PELI2: variants seen among roughly 807,000 people sequenced by gnomAD.
The protein encoded by PELI2 is pellino E3 ubiquitin protein ligase family member 2, also known as E3 ubiquitin-protein ligase pellino homolog 2.
PELI2 carries 23 observed loss-of-function variants against 42.3 expected under a neutral mutation model. That is an observed-to-expected ratio of 0.54 (90% CI 0.39 to 0.77). The LOEUF (loss-of-function observed/expected upper bound fraction) is 0.77. PELI2 is among the 30% of genes least tolerant of loss of function. PELI2 has a pLI of 0.00. For synonymous variants in PELI2, 245 were observed against 212.2 expected (o/e 1.15, Z -1.34); for missense variants, 463 against 553.2 (o/e 0.84, Z 1.64).
intron 2 of PELI2, among the ~76,000 whole-genome samples, chr14:56,257,493 A>G (rs769723345): frequency 6.6e-6 from 1 of 152,168 alleles, no homozygotes; most frequent in African/African-American, 2.4e-5. Context: ...TCATCAATTC[A>G]GGTGTACTGG....
intron 1 of PELI2, among the ~76,000 whole-genome samples, chr14:56,152,015 G>T (rs1389469555): frequency 6.6e-6 from 1 of 152,148 alleles, no homozygotes; most frequent in Non-Finnish European, 1.5e-5. Context: ...CAGGTAGTTG[G>T]TCCCACTCAC....
At position 56,225,186 on chromosome 14, in the gene PELI2, G is replaced by A. The variant is rs564090129; in HGVS notation, c.207+46722G>A. On this transcript the variant is annotated intron_variant, in intron 2 of 5. Coordinates refer to ENST00000267460, the MANE Select transcript of PELI2 (RefSeq NM_021255.3). ...GGTAAACAGGGAAACGATGGGGCCC[G>A]TCCAGGAATTCCGAGCAGCAGCTGT... 6.8e-4 allele frequency among the ~76,000 whole-genome samples: 103 copies of A among 152,264 alleles called. 1 individual carries two copies. The highest frequency in any genetic ancestry group is 3.4e-3 in the Middle Eastern group (1 of 294).
At chr14:56,142,539 C>G (rs944391878) in intron 1 of PELI2, among the ~76,000 whole-genome samples, 1 of 152,218 alleles carries the variant, frequency 6.6e-6, no homozygotes, top group African/African-American at 2.4e-5. Context: ...ATGAATCAGT[C>G]TTCCACACCC....
chr14:56,153,386 A>G (rs1566608964), intron 1 of PELI2, among the ~76,000 whole-genome samples: 1 of 152,216 alleles, frequency 6.6e-6, no homozygotes, highest in Non-Finnish European at 1.5e-5. Flanking sequence ...GATAAAGCTT[A>G]CTACCCTGTT....
intron 2 of PELI2, among the ~76,000 whole-genome samples, chr14:56,195,999 C>G (rs1248828850): frequency 6.6e-6 from 1 of 152,078 alleles, no homozygotes; most frequent in Non-Finnish European, 1.5e-5. Flanking sequence ...CATTACTGGG[C>G]GTGGGTAGAG....
Position 56,211,043 on chromosome 14 carries a change from G to A in PELI2, c.207+32579G>A, listed in dbSNP as rs1001023038. Among the ~76,000 whole-genome samples, 5 of 152,196 alleles carry A rather than the reference G, an allele frequency of 3.3e-5. 1 individual carries two copies. Among genetic ancestry groups the A allele is most frequent in the African/African-American group, 1.2e-4 (5 of 41,444 alleles). On this transcript the variant is annotated intron_variant, in intron 2 of 5. Transcript: ENST00000267460. The stretch of plus-strand genomic sequence containing the variant: ...CACACATTCTGGGCATATTGTATAT[G>A]CAAGATTTCTAAGCCATCCCAAAGC...
intron 2 of PELI2, among the ~76,000 whole-genome samples, chr14:56,237,161 T>C (rs1218374201): frequency 6.6e-6 from 1 of 152,214 alleles, no homozygotes; most frequent in Non-Finnish European, 1.5e-5. Context: ...TCCTATTTAT[T>C]ATTGACCTGT....
Position 56,271,914 on chromosome 14 carries a change from C to T in PELI2, c.208-7762C>T, listed in dbSNP as rs545305108. Among the ~76,000 whole-genome samples the T allele has an allele frequency of 2.6e-5, 4 of 152,252 alleles. No homozygotes were observed. The South Asian group carries it at 8.3e-4, about 32-fold the overall frequency. ...GCCCCAGGGACTCTTTCTTCCCAGG[C>T]ATTTTGCGGGGACCTGAAAGGCAAG... On this transcript the variant is annotated intron_variant, in intron 2 of 5. Transcript: ENST00000267460.
At chr14:56,294,982 C>A (rs1035433475) in intron 5 of PELI2, among the ~76,000 whole-genome samples, 1 of 152,202 alleles carries the variant, frequency 6.6e-6, no homozygotes, top group African/African-American at 2.4e-5. Context: ...ACTCCCTCAT[C>A]TGCCATTTCT....
chr14:56,126,020 A>C (rs546526587), intron 1 of PELI2, among the ~76,000 whole-genome samples: 11 of 152,200 alleles, frequency 7.2e-5, no homozygotes, highest in Non-Finnish European at 1.2e-4. Flanking sequence ...ACCAACCTTT[A>C]GGGCCCAAGT....
chr14:56,250,860 C>T lies in PELI2; in HGVS notation c.208-28816C>T, dbSNP rs552134612. On this transcript the variant is annotated intron_variant, in intron 2 of 5. Transcript: ENST00000267460. ...AGTTCACACTCAGTATTAACCATCA[C>T]AGAAAGCCTGTGCAAGTGATTTACT... is the stretch of plus-strand genomic sequence containing the variant. Among the ~76,000 whole-genome samples, 4 of 152,304 alleles carry T rather than the reference C, an allele frequency of 2.6e-5. No individual in the cohort carries two copies. In the South Asian group the frequency reaches 8.3e-4, roughly 32 times the overall value.
intron 2 of PELI2, among the ~76,000 whole-genome samples, chr14:56,226,773 T>G (rs544537146): frequency 9.8e-5 from 15 of 152,340 alleles, no homozygotes; most frequent in Admixed American, 9.8e-4. Context: ...ATATTTTGTT[T>G]GTTCAGGCAT....
intron 2 of PELI2, among the ~76,000 whole-genome samples, chr14:56,250,354 T>C (rs1888302704): frequency 6.6e-6 from 1 of 152,144 alleles, no homozygotes; most frequent in Non-Finnish European, 1.5e-5. Flanking sequence ...GGGACAGAAC[T>C]AATAGGATAG....
chr14:56,252,988 A>G (rs550015646), intron 2 of PELI2, among the ~76,000 whole-genome samples: 14 of 152,314 alleles, frequency 9.2e-5, no homozygotes, highest in Non-Finnish European at 1.5e-5. Context: ...ATCCAGCAGC[A>G]CATCAAAATC....
chr14:56,188,509 T>C lies in PELI2; in HGVS notation c.207+10045T>C, dbSNP rs577017965. 2.6e-5 allele frequency among the ~76,000 whole-genome samples: 4 copies of C among 152,358 alleles called. No homozygotes were observed. In the South Asian group the frequency reaches 8.3e-4, roughly 32 times the overall value. On this transcript the variant is annotated intron_variant, in intron 2 of 5. Transcript: ENST00000267460. ...AAATGACCATTGAAAACTTGGTTTT[T>C]AGCCACTGCATAGTATTTCATTATG...
At chr14:56,233,554 G>A (rs543282496) in intron 2 of PELI2, among the ~76,000 whole-genome samples, 10 of 152,326 alleles carry the variant, frequency 6.6e-5, no homozygotes, top group African/African-American at 2.4e-4. Context: ...CTAGCCATAT[G>A]TAGAAAGCTG....
chr14:56,141,003 G>T (rs1883886959), intron 1 of PELI2, among the ~76,000 whole-genome samples: 1 of 152,150 alleles, frequency 6.6e-6, no homozygotes, highest in African/African-American at 2.4e-5. Flanking sequence ...TGTCCTGTCT[G>T]CTGAGGAAAG....
At position 56,297,580 on chromosome 14, in the gene PELI2, T is replaced by TA. The variant is rs1164821496; in HGVS notation, c.*415dup. On this transcript the variant is annotated 3_prime_UTR_variant, in exon 6 of 6. Transcript: ENST00000267460. ...CTTCAGTGCAGTGTGGTGTAGGTGT[T>TA]ACGCGAAGGGCGCACAGTGTCTAGA... The TA allele has an allele frequency of 5.3e-6, 1 of 187,094 alleles. No homozygotes were observed. The highest frequency in any genetic ancestry group is 1.1e-5 in the Non-Finnish European group (1 of 88,854). 11.6% of individuals were successfully genotyped at this position (187,094 alleles called of 1,614,324 possible). A position where few individuals can be genotyped will look rare whatever the true frequency, so the allele number is the denominator to read the frequency against.
rs934369765 is a variant in PELI2 at position 56,300,652 on chromosome 14, C to G, written c.*3486C>G. ...GTGCTTGAAAGGGTGTGTGATTACA[C>G]CATTGTTAATGCTGGGTAAAAACTA... On this transcript the variant is annotated 3_prime_UTR_variant, in exon 6 of 6. Coordinates refer to ENST00000267460, the MANE Select transcript of PELI2 (RefSeq NM_021255.3). The G allele has an allele frequency of 3.9e-5, 6 of 152,082 alleles. No homozygotes were observed. The highest frequency in any genetic ancestry group is 1.4e-4 in the African/African-American group (6 of 41,420). 9.4% of individuals were successfully genotyped at this position (152,082 alleles called of 1,614,324 possible).
Sources: gnomAD v4.1 joint callset for allele counts (sites outside exome capture counted in the v4.1 genomes callset) on GRCh38, gnomAD v4.1.1 for gene constraint, MANE v1.5 for transcripts, NCBI Gene and HGNC (gene_info 2026-07-23, HGNC 2026-07-21) for gene names.